VDR: variants seen among roughly 807,000 people sequenced by gnomAD.
VDR encodes the protein vitamin D3 receptor.
A neutral mutation model predicts 39.7 loss-of-function variants in VDR; 19 were observed. The observed-to-expected ratio is 0.48, with a 90% CI of 0.33 to 0.70. The LOEUF is 0.70. Among genes scored for constraint, VDR ranks in the 30% least tolerant of loss-of-function variants. The pLI, the probability that VDR is intolerant of heterozygous loss-of-function variation, is 0.02. For missense variants in VDR, 442 were observed against 570.5 expected, an observed-to-expected ratio of 0.77 and a Z score of 2.29; for synonymous variants, 242 against 215.8, an observed-to-expected ratio of 1.12 and a Z score of -1.07.
In VDR at chr12:47,842,164, G is replaced by A; in HGVS notation, c.*2582C>T. 1 of 152,598 alleles carries A rather than the reference G, an allele frequency of 6.6e-6. No homozygotes were observed. The highest frequency in any genetic ancestry group is 1.5e-5 in the Non-Finnish European group (1 of 68,130). 9.5% of individuals were successfully genotyped at this position (152,598 alleles called of 1,614,324 possible). On this transcript the variant is annotated 3_prime_UTR_variant, in exon 10 of 10. Coordinates refer to ENST00000549336, the MANE Select transcript of VDR (RefSeq NM_000376.3). The stretch of plus-strand genomic sequence containing the variant: ...AAGACAAATGCATGTTATAGATGAG[G>A]CAACAGCATTATCCAAGGCTGAGGT...
At chr12:47,882,027 T>C (rs149348149) in intron 2 of VDR, among the ~76,000 whole-genome samples, 1 of 152,338 alleles carries the variant, frequency 6.6e-6, no homozygotes, top group Non-Finnish European at 1.5e-5. Context: ...GAATATCTGT[T>C]AAATCAGTCA....
chr12:47,878,671 T>C (rs1946060792), intron 3 of VDR: 5 of 475,346 alleles, frequency 1.1e-5, no homozygotes, highest in Admixed American at 1.0e-4. Flanking sequence ...TCTGGAAGGA[T>C]GGACACGTGG....
At position 47,876,771 on chromosome 12, in the gene VDR, C is replaced by T. The variant is rs142615924; in HGVS notation, c.146+2197G>A. The stretch of plus-strand genomic sequence containing the variant: ...ACCCAGATGCCTCACATGCTCCTGT[C>T]CTGAGGATTCCCAGCCTAGTGGTGT... On this transcript the variant is annotated intron_variant, in intron 3 of 9. Transcript: ENST00000549336. 3.8e-4 allele frequency among the ~76,000 whole-genome samples: 58 copies of T among 152,356 alleles called. No homozygotes were observed. In the Middle Eastern group the frequency reaches 0.014, roughly 36 times the overall value.
At chr12:47,897,333 C>A (rs941748431) in intron 1 of VDR, among the ~76,000 whole-genome samples, 1 of 152,142 alleles carries the variant, frequency 6.6e-6, no homozygotes, top group Admixed American at 6.5e-5. Context: ...TCACAAGGGT[C>A]AAAGGTTGGT....
chr12:47,868,604 C>T (rs2137173925), intron 3 of VDR, among the ~76,000 whole-genome samples: 1 of 152,304 alleles, frequency 6.6e-6, no homozygotes, highest in African/African-American at 2.4e-5. Context: ...CCCACAGGGA[C>T]ATCTGTATGT....
At position 47,844,800 on chromosome 12, in the gene VDR, G is replaced by C. The variant is rs1219697463; in HGVS notation, c.1230C>G (p.Cys410Trp). ...GCACAAGGGGCGTTAGCTTCATGCT[G>C]CACTCAGGCTGGAAGGAGAGGCAGC... ...QYRCLSFQPECSMKLTPLVLE... is the reference protein window; with the variant it reads ...QYRCLSFQPEWSMKLTPLVLE... The change falls in exon 10 of 10, where the codon TGC (cysteine) becomes TGG (tryptophan). Residue 410 changes from cysteine (C) to tryptophan (W), a missense_variant. Physicochemically the swap from Cys to Trp is radical, Grantham distance 215 (BLOSUM62 -2). Around this residue, in one of 5 missense-constraint regions of VDR, gnomAD observed 173 missense variants for 252.0 expected, o/e 0.69. Transcript: ENST00000549336. The C allele has an allele frequency of 1.2e-6, 2 of 1,614,068 alleles. No individual in the cohort carries two copies.
chr12:47,850,786 G>A (rs887680470), intron 7 of VDR, among the ~76,000 whole-genome samples: 10 of 151,314 alleles, frequency 6.6e-5, no homozygotes, highest in East Asian at 3.8e-4. Flanking sequence ...GCCTGCAGCC[G>A]CTTCTGGGCA....
intron 7 of VDR, among the ~76,000 whole-genome samples, chr12:47,847,468 G>T (rs1270186743): frequency 6.6e-6 from 1 of 152,018 alleles, no homozygotes; most frequent in Non-Finnish European, 1.5e-5. Flanking sequence ...TCCCTAACTT[G>T]GCTCCAACCT....
chr12:47,903,162 C>T (rs1041508161), intron 1 of VDR, among the ~76,000 whole-genome samples: 1 of 152,202 alleles, frequency 6.6e-6, no homozygotes, highest in African/African-American at 2.4e-5. Context: ...TTTCTTACCC[C>T]ATTTTCTAGT....
At chr12:47,873,742 TATACTATGGTTCTCATCAGGAATG>T (rs1384093669) in intron 3 of VDR, among the ~76,000 whole-genome samples, 1 of 152,214 alleles carries the variant, frequency 6.6e-6, no homozygotes, top group African/African-American at 2.4e-5. Context: ...GATCTTCATA[TATACTATGGTTCTCATCAGGAATG>T]TACCATCTCT....
At chr12:47,846,853 T>C in intron 7 of VDR, 45 bp from the exon 8 acceptor site, 2 of 1,610,356 alleles carry the variant, frequency 1.2e-6, no homozygotes, top group Non-Finnish European at 1.7e-6. Context: ...AGTAAACGCC[T>C]TCAAGCCACA....
intron 6 of VDR, 44 bp downstream of exon 6, chr12:47,857,085 C>T (rs370436774): frequency 1.5e-5 from 24 of 1,612,430 alleles, no homozygotes; most frequent in Admixed American, 3.3e-5. Flanking sequence ...GTGGACTCCT[C>T]GCCCCCGCTC....
At chr12:47,867,240 G>A (rs750641321) in intron 3 of VDR, among the ~76,000 whole-genome samples, 1 of 152,048 alleles carries the variant, frequency 6.6e-6, no homozygotes, top group African/African-American at 2.4e-5. Flanking sequence ...TATAGTCCCC[G>A]CTACTCGGGA....
intron 2 of VDR, 71 bp downstream of exon 2, chr12:47,882,623 G>GTC: frequency 1.8e-6 from 1 of 543,278 alleles, no homozygotes; most frequent in South Asian, 1.8e-5. Flanking sequence ...ACCTTCTTAT[G>GTC]CCCCTCCCCC....
chr12:47,902,172 G>T (rs1946575284), intron 1 of VDR, among the ~76,000 whole-genome samples: 1 of 152,160 alleles, frequency 6.6e-6, no homozygotes, highest in South Asian at 2.1e-4. Flanking sequence ...CCATTGTCCT[G>T]GTATAACCAT....
intron 1 of VDR, chr12:47,898,590 C>T (rs752739824): frequency 7.8e-5 from 12 of 154,584 alleles, no homozygotes; most frequent in Non-Finnish European, 1.6e-4. Context: ...ACTGTCCTAT[C>T]GTAATAGCTC....
chr12:47,872,829 AAT>A (rs773143707), intron 3 of VDR, among the ~76,000 whole-genome samples: 3 of 152,242 alleles, frequency 2.0e-5, no homozygotes, highest in Non-Finnish European at 4.4e-5. Context: ...AAAAAGGGAT[AAT>A]GATACTAGCT....
chr12:47,849,578 A>G (rs1945344890), intron 7 of VDR, among the ~76,000 whole-genome samples: 1 of 152,226 alleles, frequency 6.6e-6, no homozygotes, highest in Admixed American at 6.5e-5. Context: ...GGAGTTTTTT[A>G]AAAAGGAAAA....
chr12:47,850,346 G>C (rs1056763037), intron 7 of VDR, among the ~76,000 whole-genome samples: 1 of 152,166 alleles, frequency 6.6e-6, no homozygotes, highest in Admixed American at 6.5e-5. Context: ...TATTGAGCCA[G>C]TCTTCCATTT....
Sources: gnomAD v4.1 joint callset for allele counts (sites outside exome capture counted in the v4.1 genomes callset) on GRCh38, gnomAD v4.1.1 for gene constraint, gnomAD v4.1.1 regional missense constraint, MANE v1.5 for transcripts, NCBI Gene and HGNC (gene_info 2026-07-23, HGNC 2026-07-21) for gene names.